Variants in DPYSL3 observed in about 807,000 individuals in gnomAD.
DPYSL3 encodes the protein dihydropyrimidinase-related protein 3.
In DPYSL3, 16 loss-of-function variants were observed where a neutral mutation model predicts 66.1. The ratio of observed to expected loss-of-function variants is 0.24; its 90% CI spans 0.16 to 0.37. The LOEUF (loss-of-function observed/expected upper bound fraction) is 0.37, where lower values mean the gene tolerates loss of function less well. Among genes scored for constraint, DPYSL3 ranks in the 10% least tolerant of loss-of-function variants. The pLI, the probability that DPYSL3 is intolerant of heterozygous loss-of-function variation, is 1.00. For synonymous variants in DPYSL3, 338 were observed against 345.1 expected, an observed-to-expected ratio of 0.98 and a Z score of 0.23; for missense variants, 738 against 916.2, an observed-to-expected ratio of 0.81 and a Z score of 2.51.
intron 7 of DPYSL3, among the ~76,000 whole-genome samples, chr5:147,406,933 G>A (rs1188285742): frequency 1.3e-5 from 2 of 152,178 alleles, no homozygotes; most frequent in Non-Finnish European, 2.9e-5. Context: ...CCTCCCCCAA[G>A]CTGCACTTTA....
intron 1 of DPYSL3, among the ~76,000 whole-genome samples, chr5:147,430,625 T>C (rs937219960): frequency 6.6e-6 from 1 of 151,856 alleles, no homozygotes; most frequent in Non-Finnish European, 1.5e-5. Flanking sequence ...TAATAAATGC[T>C]ATAAGGAATG....
chr5:147,504,425 C>T (rs1030594790), intron 1 of DPYSL3, among the ~76,000 whole-genome samples: 1 of 152,216 alleles, frequency 6.6e-6, no homozygotes, highest in Non-Finnish European at 1.5e-5. Context: ...TCAAGTGTGG[C>T]CTGAAGGCCA....
chr5:147,415,584 T>C, intron 4 of DPYSL3, 125 bp downstream of exon 4: 1 of 1,131,078 alleles, frequency 8.8e-7, no homozygotes, highest in Non-Finnish European at 1.3e-6. Flanking sequence ...TATCCCTACA[T>C]CCAGTGCTCA....
intron 1 of DPYSL3, among the ~76,000 whole-genome samples, chr5:147,434,622 A>G (rs1460291541): frequency 1.3e-5 from 2 of 152,200 alleles, no homozygotes; most frequent in Non-Finnish European, 2.9e-5. Flanking sequence ...TGAATAGAGA[A>G]GTAAAGATAA....
At chr5:147,454,952 A>T (rs533282025) in intron 1 of DPYSL3, among the ~76,000 whole-genome samples, 18 of 152,292 alleles carry the variant, frequency 1.2e-4, no homozygotes, top group Non-Finnish European at 2.5e-4. Context: ...CCAAAAAAAG[A>T]CTTGCTATGC....
intron 1 of DPYSL3, among the ~76,000 whole-genome samples, chr5:147,506,755 G>A (rs116430741): frequency 1.1e-3 from 164 of 152,162 alleles, no homozygotes; most frequent in African/African-American, 3.9e-3. Context: ...ATTTTGTACA[G>A]GAGAAAACTG....
At chr5:147,466,016 C>T (rs2126417054) in intron 1 of DPYSL3, among the ~76,000 whole-genome samples, 1 of 152,322 alleles carries the variant, frequency 6.6e-6, no homozygotes. Context: ...CATGGACAGA[C>T]ATTTTTTATT....
chr5:147,492,051 G>T (rs955385174), intron 1 of DPYSL3, among the ~76,000 whole-genome samples: 3 of 151,922 alleles, frequency 2.0e-5, no homozygotes, highest in African/African-American at 4.8e-5. Context: ...GAAGCCATAG[G>T]GGGGGAAATA....
chr5:147,503,269 C>G (rs1050967192), intron 1 of DPYSL3, among the ~76,000 whole-genome samples: 3 of 152,048 alleles, frequency 2.0e-5, no homozygotes, highest in African/African-American at 7.2e-5. Flanking sequence ...TGTATCTCTT[C>G]TTTTTTAGTT....
intron 12 of DPYSL3, 145 bp from the exon 13 acceptor site, chr5:147,395,866 AG>A: frequency 9.7e-7 from 1 of 1,030,240 alleles, no homozygotes; most frequent in Non-Finnish European, 1.4e-6. Flanking sequence ...AGGGAGAAGT[AG>A]TATAAAATAA....
At chr5:147,428,505 A>T (rs565002670) in intron 1 of DPYSL3, among the ~76,000 whole-genome samples, 1 of 152,174 alleles carries the variant, frequency 6.6e-6, no homozygotes, top group African/African-American at 2.4e-5. Flanking sequence ...GGTATGACAT[A>T]ACCACTGACC....
chr5:147,453,125 T>C (rs1029076494), intron 1 of DPYSL3, among the ~76,000 whole-genome samples: 13 of 151,970 alleles, frequency 8.6e-5, no homozygotes, highest in African/African-American at 2.9e-4. Context: ...GGCTGCCAAG[T>C]ACCCCTGGGG....
intron 1 of DPYSL3, among the ~76,000 whole-genome samples, chr5:147,501,202 C>T (rs1475416709): frequency 6.6e-6 from 1 of 152,026 alleles, no homozygotes; most frequent in Non-Finnish European, 1.5e-5. Context: ...GTGAAAGAAG[C>T]CAATCTGAAA....
In DPYSL3 at chr5:147,509,540, C is replaced by A. The variant is rs907987153; in HGVS notation, c.319G>T (p.Gly107Trp). ...CCGGTGGCGCTCCGGATCTCTACCC[C>A]GGCGGGGGCGGGGGAGGCGGGCGCG... is the stretch of plus-strand genomic sequence containing the variant. The part of the protein sequence containing the change: ...EPAPASPAPA[G>W]VEIRSATGKE... Residue 107 changes from glycine to tryptophan, a missense_variant, in exon 1 of 14, where the codon GGG becomes TGG. Coordinates refer to ENST00000343218, the MANE Select transcript of DPYSL3 (RefSeq NM_001197294.2). This position sits in a 1 kb window ranked among gnomAD's most constrained non-coding sequence, Gnocchi z 5.3. The A allele has an allele frequency of 2.1e-5, 32 of 1,534,622 alleles. No homozygotes were observed. Among genetic ancestry groups the A allele is most frequent in the Non-Finnish European group, 2.8e-5 (32 of 1,146,334 alleles).
intron 3 of DPYSL3, among the ~76,000 whole-genome samples, chr5:147,417,260 T>G (rs925617345): frequency 6.6e-6 from 1 of 152,196 alleles, no homozygotes; most frequent in East Asian, 1.9e-4. Context: ...AGATCACTCA[T>G]TCCCGTAGTC....
intron 3 of DPYSL3, among the ~76,000 whole-genome samples, chr5:147,416,258 T>A (rs1445528845): frequency 6.6e-6 from 1 of 152,178 alleles, no homozygotes; most frequent in Non-Finnish European, 1.5e-5. Flanking sequence ...AATGAGTGCC[T>A]ACTATGTGTC....
chr5:147,497,016 A>G (rs1483370676), intron 1 of DPYSL3, among the ~76,000 whole-genome samples: 1 of 152,256 alleles, frequency 6.6e-6, no homozygotes, highest in African/African-American at 2.4e-5. Context: ...TCCAACAGCG[A>G]TAGACTGAAT....
rs566027431 is a variant in DPYSL3 at position 147,479,239 on chromosome 5, T to G, written c.381+30239A>C. On this transcript the variant is annotated intron_variant, in intron 1 of 13. Transcript: ENST00000343218. ...ATGAGGGAAGTGAGGCTCAGAGAGG[T>G]TATTTGCCCTAGGTCATAGAGCTAA... 1.5e-4 allele frequency among the ~76,000 whole-genome samples: 23 copies of G among 151,780 alleles called. No homozygotes were observed. In the South Asian group the frequency reaches 4.8e-3, roughly 32 times the overall value.
chr5:147,490,110 C>G (rs1753393573), intron 1 of DPYSL3, among the ~76,000 whole-genome samples: 1 of 152,102 alleles, frequency 6.6e-6, no homozygotes, highest in Non-Finnish European at 1.5e-5. Context: ...ACTTCTGATG[C>G]CTCAACTGCC....
Sources: gnomAD v4.1 joint callset for allele counts (sites outside exome capture counted in the v4.1 genomes callset) on GRCh38, gnomAD v4.1.1 for gene constraint, Gnocchi (gnomAD v3.1) non-coding constraint, MANE v1.5 for transcripts, NCBI Gene and HGNC (gene_info 2026-07-23, HGNC 2026-07-21) for gene names.